The following SYT1 variants were observed in gnomAD, a reference collection of about 807,000 sequenced individuals.
The protein encoded by SYT1 is synaptotagmin-1.
Under a neutral mutation model 44.8 loss-of-function variants are expected in SYT1, and 8 were observed. The ratio of observed to expected loss-of-function variants is 0.18; its 90% CI spans 0.10 to 0.32. The LOEUF is 0.32. Among genes scored for constraint, SYT1 ranks in the 10% least tolerant of loss-of-function variants. The pLI, the probability that SYT1 is intolerant of heterozygous loss-of-function variation, is 1.00. For synonymous variants in SYT1, 154 were observed against 188.8 expected (o/e 0.82, Z 1.51); for missense variants, 286 against 509.3 (o/e 0.56, Z 4.22).
chr12:79,437,552 A>G (rs928866990), intron 9 of SYT1, among the ~76,000 whole-genome samples: 2 of 152,230 alleles, frequency 1.3e-5, no homozygotes, highest in African/African-American at 2.4e-5. Context: ...ATCGTATAGC[A>G]TATGGGCTAC....
intron 1 of SYT1, among the ~76,000 whole-genome samples, chr12:78,932,013 C>G (rs919099496): frequency 6.6e-6 from 1 of 152,202 alleles, no homozygotes; most frequent in Non-Finnish European, 1.5e-5. Flanking sequence ...CTGTGCATGG[C>G]TGGTGTATCA....
intron 3 of SYT1, among the ~76,000 whole-genome samples, chr12:79,198,952 G>A (rs1018704734): frequency 6.6e-6 from 1 of 152,128 alleles, no homozygotes; most frequent in African/African-American, 2.4e-5. Context: ...TGAAGAAGGG[G>A]AAGCCCGCAT....
At chr12:79,151,911 G>A (rs1236462794) in intron 3 of SYT1, among the ~76,000 whole-genome samples, 1 of 152,114 alleles carries the variant, frequency 6.6e-6, no homozygotes, top group Non-Finnish European at 1.5e-5. Context: ...AAAGTTGAAT[G>A]TCAAACCACA....
chr12:79,246,873 A>G (rs1000102797), intron 4 of SYT1, among the ~76,000 whole-genome samples: 1 of 152,198 alleles, frequency 6.6e-6, no homozygotes, highest in Admixed American at 6.5e-5. Context: ...TGGAAAATTA[A>G]GGGGATGCCT....
chr12:79,186,243 T>G (rs1872794695), intron 3 of SYT1, among the ~76,000 whole-genome samples: 1 of 152,080 alleles, frequency 6.6e-6, no homozygotes, highest in South Asian at 2.1e-4. Flanking sequence ...CTCTTATATA[T>G]TCTACCTCAC....
intron 9 of SYT1, among the ~76,000 whole-genome samples, chr12:79,387,256 A>G (rs1884471846): frequency 6.6e-6 from 1 of 152,234 alleles, no homozygotes; most frequent in African/African-American, 2.4e-5. Context: ...TTGAAGAGAC[A>G]GTAACCCTCC....
At chr12:78,998,104 A>C (rs1870497617) in intron 2 of SYT1, among the ~76,000 whole-genome samples, 1 of 152,218 alleles carries the variant, frequency 6.6e-6, no homozygotes, top group Non-Finnish European at 1.5e-5. Context: ...GAAAGAAAGA[A>C]AGAGCAGGAT....
chr12:79,180,248 A>T (rs906032272), intron 3 of SYT1, among the ~76,000 whole-genome samples: 12 of 152,102 alleles, frequency 7.9e-5, no homozygotes, highest in African/African-American at 2.9e-4. Context: ...AATATTAAAA[A>T]ATAAAGAGCT....
intron 3 of SYT1, among the ~76,000 whole-genome samples, chr12:79,194,479 A>G (rs1002218840): frequency 4.6e-5 from 6 of 131,270 alleles, no homozygotes; most frequent in African/African-American, 1.8e-4. Context: ...TTATTATTGT[A>G]GAGACGGGTC....
At chr12:79,226,047 G>T (rs1157143564) in intron 4 of SYT1, among the ~76,000 whole-genome samples, 1 of 152,158 alleles carries the variant, frequency 6.6e-6, no homozygotes, top group Non-Finnish European at 1.5e-5. Flanking sequence ...TAGCACATAT[G>T]AGGCACTAAA....
intron 3 of SYT1, among the ~76,000 whole-genome samples, chr12:79,062,228 AG>A (rs1875444036): frequency 6.6e-6 from 1 of 152,174 alleles, no homozygotes; most frequent in Admixed American, 6.6e-5. Context: ...GAAATTTCAC[AG>A]TGCTGTCATG....
At chr12:78,888,050 T>G (rs1874845146) in intron 1 of SYT1, among the ~76,000 whole-genome samples, 1 of 151,926 alleles carries the variant, frequency 6.6e-6, no homozygotes, top group Non-Finnish European at 1.5e-5. Flanking sequence ...TGGAACTCAT[T>G]ACATGAGAAA....
At chr12:78,935,748 G>C (rs932932547) in intron 1 of SYT1, among the ~76,000 whole-genome samples, 3 of 152,010 alleles carry the variant, frequency 2.0e-5, no homozygotes, top group African/African-American at 4.8e-5. Flanking sequence ...GTTAAAAGAA[G>C]TATATAAAAA....
At chr12:79,244,134 T>C (rs779925973) in intron 4 of SYT1, among the ~76,000 whole-genome samples, 9 of 152,214 alleles carry the variant, frequency 5.9e-5, no homozygotes, top group Non-Finnish European at 1.3e-4. Flanking sequence ...TTTAACGTAC[T>C]GCATCGAAAG....
chr12:79,406,050 T>A (rs1435863271), intron 9 of SYT1, among the ~76,000 whole-genome samples: 1 of 151,964 alleles, frequency 6.6e-6, no homozygotes, highest in Non-Finnish European at 1.5e-5. Context: ...TTTAAAAAAA[T>A]TAATATGGAA....
At chr12:79,125,882 G>A (rs1187830571) in intron 3 of SYT1, among the ~76,000 whole-genome samples, 1 of 151,976 alleles carries the variant, frequency 6.6e-6, no homozygotes, top group Non-Finnish European at 1.5e-5. Context: ...AAGTTCCCCG[G>A]CTCATCAATC....
intron 3 of SYT1, among the ~76,000 whole-genome samples, chr12:79,076,109 TAA>T (rs1876630220): frequency 6.6e-6 from 1 of 152,106 alleles, no homozygotes; most frequent in African/African-American, 2.4e-5. Flanking sequence ...ACCTTTTTGC[TAA>T]GTTTGATGAA....
At chr12:79,314,865 A>C (rs1055381794) in intron 8 of SYT1, among the ~76,000 whole-genome samples, 2 of 152,224 alleles carry the variant, frequency 1.3e-5, no homozygotes, top group African/African-American at 4.8e-5. Flanking sequence ...ATATCCATAC[A>C]ATAGAAAATT....
At chr12:78,892,801 G>T (rs186930399) in intron 1 of SYT1, among the ~76,000 whole-genome samples, 2 of 151,464 alleles carry the variant, frequency 1.3e-5, no homozygotes, top group African/African-American at 4.8e-5. Context: ...GACAAATAAC[G>T]GTAAAGAGGA....
Sources: gnomAD v4.1 joint callset for allele counts (sites outside exome capture counted in the v4.1 genomes callset) on GRCh38, gnomAD v4.1.1 for gene constraint, MANE v1.5 for transcripts, NCBI Gene and HGNC (gene_info 2026-07-23, HGNC 2026-07-21) for gene names.